The following DMD variants were observed in gnomAD, a reference collection of about 807,000 sequenced individuals.
DMD encodes the protein mutant dystrophin.
DMD carries 63 observed loss-of-function variants against 330.1 expected under a neutral mutation model. That is an observed-to-expected ratio of 0.19 (90% CI 0.16 to 0.24). DMD has a LOEUF of 0.24. Among genes scored for constraint, DMD ranks in the 10% least tolerant of loss-of-function variants. The probability of loss-of-function intolerance (pLI) is 1.00; values close to 1 mark genes in which losing one functional copy is unlikely to be tolerated. For missense variants in DMD, 3,344 were observed against 2,684.1 expected, an observed-to-expected ratio of 1.25 and a Z score of -5.43; for synonymous variants, 1,223 against 959.8, an observed-to-expected ratio of 1.27 and a Z score of -5.07.
At chrX:31,818,310 T>C (rs1398335514) in intron 50 of DMD, among the ~76,000 whole-genome samples, 1 of 112,403 alleles carries the variant, frequency 8.9e-6, no homozygotes, top group Admixed American at 9.5e-5. Flanking sequence ...ACCAGTATGA[T>C]GCTCAACACA....
chrX:33,069,961 A>G (rs755292563), intron 1 of DMD, among the ~76,000 whole-genome samples: 1 of 112,007 alleles, frequency 8.9e-6, no homozygotes, highest in South Asian at 3.7e-4. Flanking sequence ...AGCTCAAGCC[A>G]TATCAACAAT....
chrX:32,777,276 T>TGGGGGGGGGGGGGGGGGG (rs1373161447), intron 7 of DMD, among the ~76,000 whole-genome samples: 3 of 506 alleles, frequency 5.9e-3, no homozygotes, highest in Non-Finnish European at 5.2e-3. Context: ...TGGTTTCTGG[T>TGGGGGGGGGGGGGGGGGG]TGGGGGGGGA....
intron 34 of DMD, among the ~76,000 whole-genome samples, chrX:32,376,077 C>T (rs1318747179): frequency 1.8e-5 from 2 of 110,900 alleles, no homozygotes; most frequent in East Asian, 2.8e-4. Flanking sequence ...GTCAGGAGTT[C>T]GAGACCAGCC....
At chrX:33,018,405 AAAAAAT>A (rs2093846248) in intron 2 of DMD, among the ~76,000 whole-genome samples, 3 of 112,055 alleles carry the variant, frequency 2.7e-5, no homozygotes, top group Admixed American at 9.5e-5. Context: ...TAAGGACAGA[AAAAAAT>A]ATACCGAATT....
At chrX:32,354,898 A>G (rs16990249) in intron 37 of DMD, among the ~76,000 whole-genome samples, 20,546 of 110,849 alleles carry the variant, frequency 0.19, 1,811 homozygotes, top group African/African-American at 0.33. Flanking sequence ...AGTTTAACTT[A>G]GAATATTGCC....
At chrX:31,906,132 T>A (rs1034872020) in intron 47 of DMD, among the ~76,000 whole-genome samples, 2 of 111,291 alleles carry the variant, frequency 1.8e-5, no homozygotes, top group East Asian at 5.7e-4. Flanking sequence ...CGAGGTCTGA[T>A]GGTTTTATAA....
intron 41 of DMD, among the ~76,000 whole-genome samples, chrX:32,323,692 C>A (rs2097633921): frequency 1.8e-5 from 2 of 110,872 alleles, no homozygotes; most frequent in African/African-American, 6.6e-5. Flanking sequence ...AATGATAGTA[C>A]AAAGTATAAC....
At position 32,013,853 on chromosome X, in the gene DMD, A is replaced by T. The variant is rs150145416; in HGVS notation, c.6439-45339T>A. Among the ~76,000 whole-genome samples the T allele has an allele frequency of 3.5e-3, 392 of 112,360 alleles. 12 individuals are homozygous for T. Among genetic ancestry groups the T allele is most frequent in the Admixed American group, 0.032 (337 of 10,549 alleles). On this transcript the variant is annotated intron_variant, in intron 44 of 78. Coordinates refer to ENST00000357033, the MANE Select transcript of DMD (RefSeq NM_004006.3). ...TTTGCTTCTGAAGAGATAAACAAGG[A>T]ATCCTAGATAATTGAAAGAAAAGGA...
chrX:33,115,265 A>C (rs540045590), intron 1 of DMD, among the ~76,000 whole-genome samples: 1 of 112,021 alleles, frequency 8.9e-6, no homozygotes, highest in African/African-American at 3.2e-5. Context: ...TACACTCCAC[A>C]TATATTTCAT....
intron 7 of DMD, among the ~76,000 whole-genome samples, chrX:32,747,127 A>G (rs771763625): frequency 1.8e-5 from 2 of 112,205 alleles, no homozygotes; most frequent in African/African-American, 3.2e-5. Context: ...TTGATTCCGT[A>G]TCTCAACAAT....
intron 67 of DMD, among the ~76,000 whole-genome samples, chrX:31,188,031 C>CA: frequency 1.8e-5 from 2 of 111,844 alleles, no homozygotes; most frequent in African/African-American, 6.5e-5. Context: ...TCTACTCTTT[C>CA]AAAAAACTAT....
rs1569558427 is a variant in DMD at position 32,335,615 on chromosome X, A to ATGTTATATACATAACATATACAT, written c.5922+6484_5922+6485insATGTATATGTTATGTATATAACA. On this transcript the variant is annotated intron_variant, in intron 41 of 78. Transcript: ENST00000357033. The stretch of plus-strand genomic sequence containing the variant: ...TGTTATATATAAAACATTATAAAAC[A>ATGTTATATACATAACATATACAT]AACATGTTATATACATAACATATAC... Among the ~76,000 whole-genome samples the ATGTTATATACATAACATATACAT allele has an allele frequency of 4.7e-5, 5 of 106,918 alleles. No homozygotes were observed. In the East Asian group the frequency reaches 8.7e-4, roughly 19 times the overall value. The allele number at this position is 106,918 out of a possible 115,157, so 92.8% of individuals were successfully genotyped here.
chrX:32,496,580 A>T (rs1291237988), intron 19 of DMD, among the ~76,000 whole-genome samples: 1 of 112,244 alleles, frequency 8.9e-6, no homozygotes, highest in Non-Finnish European at 1.9e-5. Context: ...ATTTTTACTC[A>T]TATTTGTTTT....
intron 62 of DMD, among the ~76,000 whole-genome samples, chrX:31,305,088 C>T (rs1432230309): frequency 9.0e-6 from 1 of 111,385 alleles, no homozygotes; most frequent in East Asian, 2.8e-4. Context: ...TTCAAGCCAC[C>T]CTTTAAGACA....
chrX:32,823,546 G>A (rs771426048), intron 4 of DMD, among the ~76,000 whole-genome samples, 159 bp from the exon 5 acceptor site: 223 of 111,996 alleles, frequency 2.0e-3, no homozygotes, highest in African/African-American at 7.0e-3. Context: ...CAAAATGCAT[G>A]TGTAAAATCA....
rs762511618 is a variant in DMD at position 32,087,594 on chromosome X, G to A, written c.6439-119080C>T. 1.1e-3 allele frequency among the ~76,000 whole-genome samples: 119 copies of A among 111,946 alleles called. 1 individual carries two copies. The highest frequency in any genetic ancestry group is 2.4e-4 in the Non-Finnish European group (13 of 53,192). On this transcript the variant is annotated intron_variant, in intron 44 of 78. Coordinates refer to ENST00000357033, the MANE Select transcript of DMD (RefSeq NM_004006.3). ...CCCTGATATTGACCCGCTAGTCCGAGTCAATCAGACCTGGAATTCTCCTGA... is the reference window on the plus strand; with the variant it reads ...CCCTGATATTGACCCGCTAGTCCGAATCAATCAGACCTGGAATTCTCCTGA...
intron 11 of DMD, among the ~76,000 whole-genome samples, chrX:32,632,280 G>A (rs1016199230): frequency 9.0e-6 from 1 of 111,728 alleles, no homozygotes; most frequent in African/African-American, 3.3e-5. Flanking sequence ...CAAGGCCTTG[G>A]GCAGACTCCA....
At chrX:31,232,252 C>T (rs761329492) in intron 63 of DMD, among the ~76,000 whole-genome samples, 5 of 110,706 alleles carry the variant, frequency 4.5e-5, no homozygotes, top group East Asian at 2.8e-4. Context: ...CCCTGCACAT[C>T]GTGTGAAGGA....
At chrX:32,990,912 A>G (rs776272069) in intron 2 of DMD, among the ~76,000 whole-genome samples, 13 of 111,744 alleles carry the variant, frequency 1.2e-4, no homozygotes, top group Middle Eastern at 4.6e-3. Context: ...TCTTGATTCC[A>G]TATACCAAGC....
Sources: gnomAD v4.1 joint callset for allele counts (sites outside exome capture counted in the v4.1 genomes callset) on GRCh38, gnomAD v4.1.1 for gene constraint, MANE v1.5 for transcripts, NCBI Gene and HGNC (gene_info 2026-07-23, HGNC 2026-07-21) for gene names.